Variants in PLXNA4 observed in about 807,000 individuals in gnomAD.
PLXNA4 encodes the protein plexin-A4.
PLXNA4 carries 44 observed loss-of-function variants against 191.8 expected under a neutral mutation model. The ratio of observed to expected loss-of-function variants is 0.23; its 90% CI spans 0.18 to 0.29. PLXNA4 has a LOEUF of 0.29. PLXNA4 is among the 10% of genes least tolerant of loss of function. The pLI, the probability that PLXNA4 is intolerant of heterozygous loss-of-function variation, is 1.00. For synonymous variants in PLXNA4, 1,082 were observed against 1,009.5 expected (o/e 1.07, Z -1.36); for missense variants, 1,800 against 2,488.8 (o/e 0.72, Z 5.89).
chr7:132,489,352 T>A lies in PLXNA4; in HGVS notation c.1311A>T (p.Ala437=). Residue 437 remains alanine (A), a synonymous_variant, in exon 3 of 32, where the codon GCA becomes GCT. Coordinates refer to ENST00000321063, the MANE Select transcript of PLXNA4 (RefSeq NM_020911.2). ...EDRDRMTSVI[A]YVYKNHSLAF... ...CCAGAGAGTGGTTCTTGTAGACATATGCGATGACAGACGTCATGCGGTCCC... is the reference window on the plus strand; with the variant it reads ...CCAGAGAGTGGTTCTTGTAGACATAAGCGATGACAGACGTCATGCGGTCCC... The A allele has an allele frequency of 1.9e-6, 3 of 1,605,802 alleles. No homozygotes were observed. Among genetic ancestry groups the A allele is most frequent in the East Asian group, 2.2e-5 (1 of 44,560 alleles).
chr7:132,289,803 G>T (rs554784261), intron 4 of PLXNA4, among the ~76,000 whole-genome samples: 6 of 151,720 alleles, frequency 4.0e-5, no homozygotes, highest in African/African-American at 1.5e-4. Context: ...AAAGTGCTGG[G>T]ATTATAGGTA....
chr7:132,418,937 T>C (rs1315357196), intron 3 of PLXNA4, among the ~76,000 whole-genome samples: 2 of 152,212 alleles, frequency 1.3e-5, no homozygotes, highest in Non-Finnish European at 2.9e-5. Flanking sequence ...TGTTTTTCAA[T>C]TGTATCCGTG....
intron 3 of PLXNA4, among the ~76,000 whole-genome samples, chr7:132,413,934 T>G (rs1225659277): frequency 6.6e-6 from 1 of 152,190 alleles, no homozygotes; most frequent in East Asian, 1.9e-4. Context: ...AAAAAAGGTA[T>G]GCACTCCGCC....
intron 4 of PLXNA4, among the ~76,000 whole-genome samples, chr7:132,252,072 C>A (rs1260829853): frequency 6.6e-6 from 1 of 152,086 alleles, no homozygotes; most frequent in Non-Finnish European, 1.5e-5. Context: ...CACCCTATCT[C>A]CTGTCTCAAG....
At chr7:132,463,222 T>G (rs575875687) in intron 3 of PLXNA4, among the ~76,000 whole-genome samples, 33 of 152,270 alleles carry the variant, frequency 2.2e-4, no homozygotes, top group African/African-American at 7.9e-4. Flanking sequence ...CCAAGCTGAT[T>G]GTTCTTCCCA....
chr7:132,574,040 G>A (rs916379177), intron 1 of PLXNA4, among the ~76,000 whole-genome samples: 3 of 152,210 alleles, frequency 2.0e-5, no homozygotes, highest in African/African-American at 7.2e-5. Flanking sequence ...CCGCTTTACA[G>A]AGATGTTAAT....
chr7:132,185,045 C>T (rs1025981460), intron 16 of PLXNA4, among the ~76,000 whole-genome samples: 1 of 152,152 alleles, frequency 6.6e-6, no homozygotes, highest in Non-Finnish European at 1.5e-5. Flanking sequence ...CAGCACAGTG[C>T]CTGTCCTTGA....
At chr7:132,256,396 C>A (rs1799432665) in intron 4 of PLXNA4, among the ~76,000 whole-genome samples, 1 of 152,166 alleles carries the variant, frequency 6.6e-6, no homozygotes, top group Non-Finnish European at 1.5e-5. Context: ...ATAGCTTAAC[C>A]TGGACCAGGG....
intron 14 of PLXNA4, among the ~76,000 whole-genome samples, chr7:132,189,039 AGAGAGAGAGAGAGAGAG>A: frequency 1.8e-5 from 1 of 55,988 alleles, no homozygotes; most frequent in East Asian, 5.4e-4. Flanking sequence ...AAAGAGAGAG[AGAGAGAGAGAGAGAGAG>A]AGAGAGAGAG....
intron 4 of PLXNA4, among the ~76,000 whole-genome samples, chr7:132,257,567 A>G (rs1283082391): frequency 1.3e-5 from 2 of 152,310 alleles, no homozygotes; most frequent in East Asian, 3.9e-4. Flanking sequence ...ATCCTGAGGC[A>G]ACTGCTGCCT....
intron 3 of PLXNA4, among the ~76,000 whole-genome samples, chr7:132,392,716 G>T (rs1426807789): frequency 6.6e-6 from 1 of 152,230 alleles, no homozygotes; most frequent in Admixed American, 6.5e-5. Context: ...CGCCTAGGTT[G>T]TCCTGGGGAG....
intron 3 of PLXNA4, among the ~76,000 whole-genome samples, chr7:132,373,078 T>G (rs952043787): frequency 6.6e-6 from 1 of 152,214 alleles, no homozygotes; most frequent in African/African-American, 2.4e-5. Flanking sequence ...AAATACTATG[T>G]CGTTGGTAAA....
chr7:132,365,161 C>T (rs1804102617), intron 3 of PLXNA4, among the ~76,000 whole-genome samples: 1 of 152,148 alleles, frequency 6.6e-6, no homozygotes, highest in South Asian at 2.1e-4. Context: ...GGGCTCATCT[C>T]ATTGAAGTCT....
chr7:132,502,172 C>T (rs539553925), intron 2 of PLXNA4, among the ~76,000 whole-genome samples: 35 of 152,276 alleles, frequency 2.3e-4, no homozygotes, highest in East Asian at 5.8e-4. Context: ...GGATCTCAGG[C>T]GCCAGACCAA....
chr7:132,466,522 C>T (rs943899751), intron 3 of PLXNA4, among the ~76,000 whole-genome samples: 7 of 152,230 alleles, frequency 4.6e-5, no homozygotes, highest in African/African-American at 1.2e-4. Context: ...GCAGCATCCA[C>T]ACTTGGTAAG....
chr7:132,298,245 C>A (rs1410168763), intron 3 of PLXNA4, 23 bp from the exon 4 acceptor site: 11 of 1,601,922 alleles, frequency 6.9e-6, no homozygotes, highest in Non-Finnish European at 1.7e-6. Context: ...AGAGGAGAGC[C>A]AAAGTGAGTT....
At chr7:132,378,007 TC>T (rs1252140493) in intron 3 of PLXNA4, among the ~76,000 whole-genome samples, 10 of 151,996 alleles carry the variant, frequency 6.6e-5, no homozygotes, top group African/African-American at 2.4e-4. Context: ...ATAGCACTGT[TC>T]CCCCAAATAT....
chr7:132,340,548 C>CT (rs1195773854), intron 3 of PLXNA4, among the ~76,000 whole-genome samples: 1 of 152,160 alleles, frequency 6.6e-6, no homozygotes, highest in Non-Finnish European at 1.5e-5. Flanking sequence ...CCAAGGACAG[C>CT]TTTATTCAAT....
intron 1 of PLXNA4, among the ~76,000 whole-genome samples, chr7:132,534,480 CCG>C (rs779007388): frequency 2.2e-4 from 34 of 152,256 alleles, no homozygotes; most frequent in South Asian, 1.5e-3. Flanking sequence ...GATGCAGAGA[CCG>C]AGAATCTGGC....
Sources: gnomAD v4.1 joint callset for allele counts (sites outside exome capture counted in the v4.1 genomes callset) on GRCh38, gnomAD v4.1.1 for gene constraint, MANE v1.5 for transcripts, NCBI Gene and HGNC (gene_info 2026-07-23, HGNC 2026-07-21) for gene names.